The following CDK2AP1 variants were observed in gnomAD, a reference collection of about 807,000 sequenced individuals.
The protein encoded by CDK2AP1 is cyclin dependent kinase 2 associated protein 1, also known as cyclin-dependent kinase 2-associated protein 1.
Under a neutral mutation model 14.1 loss-of-function variants are expected in CDK2AP1, and 10 were observed. The ratio of observed to expected loss-of-function variants is 0.71; its 90% CI spans 0.44 to 1.20. CDK2AP1 has a LOEUF of 1.20. CDK2AP1 is among the 50% of genes most tolerant of loss of function. The pLI, the probability that CDK2AP1 is intolerant of heterozygous loss-of-function variation, is 0.00. For synonymous variants in CDK2AP1, 59 were observed against 59.8 expected (o/e 0.99, Z 0.06); for missense variants, 102 against 149.9 (o/e 0.68, Z 1.67).
intron 2 of CDK2AP1, among the ~76,000 whole-genome samples, chr12:123,266,212 G>C (rs962214399): frequency 6.6e-6 from 1 of 152,200 alleles, no homozygotes; most frequent in African/African-American, 2.4e-5. Flanking sequence ...TCCTCGTCCT[G>C]CTCCGGCTGC....
intron 2 of CDK2AP1, among the ~76,000 whole-genome samples, chr12:123,266,239 A>C (rs1284062694): frequency 6.6e-6 from 1 of 152,062 alleles, no homozygotes; most frequent in Non-Finnish European, 1.5e-5. Flanking sequence ...TCCCCACGGC[A>C]CTGCCTCCAG....
intron 2 of CDK2AP1, among the ~76,000 whole-genome samples, chr12:123,266,817 G>T (rs942180604): frequency 3.3e-5 from 5 of 152,224 alleles, no homozygotes; most frequent in Non-Finnish European, 5.9e-5. Context: ...GAGCAAGTGG[G>T]AACTGACCCT....
Position 123,261,769 on chromosome 12 carries a change from G to A in CDK2AP1, c.315C>T (p.Cys105=), listed in dbSNP as rs536524964. ...IIHARGLVRE[C]LAETERNARS is the part of the protein sequence containing the mutation. ...TGGCATTCCGTTCCGTTTCTGCCAA[G>A]CACTCCCGAACCAGTCCTCTAGCGT... is the stretch of plus-strand genomic sequence containing the variant. Residue 105 remains cysteine, a synonymous_variant, in exon 4 of 4, where the codon TGC becomes TGT. Coordinates refer to ENST00000261692, the MANE Select transcript of CDK2AP1 (RefSeq NM_004642.4). 3.1e-6 allele frequency: 5 copies of A among 1,613,988 alleles called. No homozygotes were observed. The highest frequency in any genetic ancestry group is 2.2e-5 in the East Asian group (1 of 44,888).
intron 1 of CDK2AP1, chr12:123,270,136 C>G (rs2048340532): frequency 1.2e-6 from 1 of 854,886 alleles, no homozygotes; most frequent in Non-Finnish European, 1.4e-6. Flanking sequence ...AGCCCCTGCC[C>G]TCCCCACAGG....
Position 123,265,359 on chromosome 12 carries a change from C to T in CDK2AP1, c.154-37G>A, listed in dbSNP as rs376615212. On this transcript the variant is annotated intron_variant, in intron 2 of 3. Transcript: ENST00000261692. This position sits in a 1 kb window ranked among gnomAD's most constrained non-coding sequence, Gnocchi z 5.3. ...AAGAAATGGGTTCAGCAAAATCAGC[C>T]GGGCGTGGTGGTGCGTGCCTGTAGT... 1.6e-4 allele frequency: 252 copies of T among 1,612,644 alleles called. No individual in the cohort carries two copies. Among genetic ancestry groups the T allele is most frequent in the African/African-American group, 4.5e-4 (34 of 74,964 alleles).
At chr12:123,262,557 C>T (rs1387849236) in intron 3 of CDK2AP1, among the ~76,000 whole-genome samples, 1 of 152,188 alleles carries the variant, frequency 6.6e-6, no homozygotes, top group African/African-American at 2.4e-5. Flanking sequence ...TTGCAGGCTA[C>T]AGTCTCTGAC....
chr12:123,266,156 C>T (rs143716390), intron 2 of CDK2AP1, among the ~76,000 whole-genome samples: 5 of 152,220 alleles, frequency 3.3e-5, no homozygotes, highest in African/African-American at 9.6e-5. Flanking sequence ...TTGCCTCCCC[C>T]CTCCTCCACC....
At chr12:123,268,337 G>A in intron 1 of CDK2AP1, 1 of 625,764 alleles carries the variant, frequency 1.6e-6, no homozygotes, top group South Asian at 7.0e-5. Flanking sequence ...GGCAGAGGAG[G>A]AAGGAAGTTC....
chr12:123,271,554 G>T lies in CDK2AP1; in HGVS notation c.55+10C>A. On this transcript the variant is annotated intron_variant, in intron 1 of 3. Coordinates refer to ENST00000261692, the MANE Select transcript of CDK2AP1 (RefSeq NM_004642.4). ...CGGCGCTTGGGGCGCGTCGCACGCG[G>T]CTCACTCACCGGCGTTGAGGGCGGC... The T allele has an allele frequency of 1.0e-6, 1 of 1,002,888 alleles. No individual in the cohort carries two copies. 62.1% of individuals were successfully genotyped at this position (1,002,888 alleles called of 1,614,324 possible).
chr12:123,268,114 G>C (rs1392318451), intron 1 of CDK2AP1: 2 of 883,126 alleles, frequency 2.3e-6, no homozygotes, highest in Admixed American at 6.2e-5. Context: ...GTGGCCATTA[G>C]CGGGTAAAGG....
chr12:123,262,554 C>T (rs1033060064), intron 3 of CDK2AP1, among the ~76,000 whole-genome samples: 4 of 152,180 alleles, frequency 2.6e-5, no homozygotes, highest in African/African-American at 9.7e-5. Context: ...GCTTTGCAGG[C>T]TACAGTCTCT....
chr12:123,268,752 C>T (rs1004454309), intron 1 of CDK2AP1, among the ~76,000 whole-genome samples: 3 of 152,172 alleles, frequency 2.0e-5, no homozygotes, highest in African/African-American at 4.8e-5. Context: ...GGACGCACAA[C>T]GCCCACGATA....
At chr12:123,264,241 C>CTGAGG (rs1212043678) in intron 3 of CDK2AP1, among the ~76,000 whole-genome samples, 1 of 152,096 alleles carries the variant, frequency 6.6e-6, no homozygotes, top group Non-Finnish European at 1.5e-5. Context: ...GGTGGATCAC[C>CTGAGG]TGAGGTTGGG....
rs1338425327 is a variant in CDK2AP1 at position 123,262,584 on chromosome 12, A to G, written c.281-781T>C. On this transcript the variant is annotated intron_variant, in intron 3 of 3. Transcript: ENST00000261692. Reference sequence around the variant, plus strand: ...GTCTCTGACACAACTACTTCACTCAAATTTTTTTTGAGACAGCATCTTGCC... The same window carrying G: ...GTCTCTGACACAACTACTTCACTCAGATTTTTTTTGAGACAGCATCTTGCC... Among the ~76,000 whole-genome samples the G allele has an allele frequency of 2.0e-5, 3 of 152,016 alleles. No individual in the cohort carries two copies. The East Asian group carries it at 5.8e-4, about 29-fold the overall frequency.
intron 3 of CDK2AP1, among the ~76,000 whole-genome samples, chr12:123,264,487 AAAAAG>A (rs1276993564): frequency 7.0e-5 from 8 of 113,630 alleles, no homozygotes; most frequent in Non-Finnish European, 1.2e-4. Context: ...AAAAAAAAAA[AAAAAG>A]AGCCCCAAGT....
intron 1 of CDK2AP1, 138 bp from the exon 2 acceptor site, chr12:123,267,420 C>T (rs1157859881): frequency 7.8e-6 from 5 of 643,598 alleles, no homozygotes; most frequent in African/African-American, 7.2e-5. Context: ...TCTCCACCTC[C>T]GGTTTGACCA....
chr12:123,271,662 C>T lies in CDK2AP1; in HGVS notation c.-44G>A. The T allele has an allele frequency of 1.2e-6, 1 of 866,778 alleles. No homozygotes were observed. The highest frequency in any genetic ancestry group is 1.4e-6 in the Non-Finnish European group (1 of 724,580). 53.7% of individuals were successfully genotyped at this position (866,778 alleles called of 1,614,324 possible). On this transcript the variant is annotated 5_prime_UTR_variant, in exon 1 of 4. Transcript: ENST00000261692. ...CGCCGGGCGCGGCGGGGCCAGGCCG[C>T]GAGGGCGGCGGCGGCGGCGGCGAGG...
intron 1 of CDK2AP1, chr12:123,270,353 A>AT (rs138006715): frequency 1.1e-5 from 2 of 177,242 alleles, no homozygotes; most frequent in African/African-American, 2.4e-5. Context: ...AGTGTCCAAG[A>AT]TTTTTTTTAG....
At chr12:123,261,974 C>A in intron 3 of CDK2AP1, 171 bp from the exon 4 acceptor site, 1 of 555,274 alleles carries the variant, frequency 1.8e-6, no homozygotes, top group Non-Finnish European at 3.2e-6. Context: ...GCTAACAATC[C>A]CATCCCTCTC....
Sources: gnomAD v4.1 joint callset for allele counts (sites outside exome capture counted in the v4.1 genomes callset) on GRCh38, gnomAD v4.1.1 for gene constraint, Gnocchi (gnomAD v3.1) non-coding constraint, MANE v1.5 for transcripts, NCBI Gene and HGNC (gene_info 2026-07-23, HGNC 2026-07-21) for gene names.